PCDHGA6: variants seen among roughly 807,000 people sequenced by gnomAD.
PCDHGA6 encodes the protein protocadherin gamma subfamily A, 6, also known as protocadherin gamma-A6.
PCDHGA6 carries 41 observed loss-of-function variants against 60.6 expected under a neutral mutation model. That is an observed-to-expected ratio of 0.68 (90% CI 0.53 to 0.88). The LOEUF is 0.88. Ranked by LOEUF, PCDHGA6 falls within the 40% of genes least tolerant of loss-of-function variation. The probability of loss-of-function intolerance (pLI) is 0.00; values close to 1 mark genes in which losing one functional copy is unlikely to be tolerated. For missense variants in PCDHGA6, 1,312 were observed against 1,203.0 expected, an observed-to-expected ratio of 1.09 and a Z score of -1.34; for synonymous variants, 594 against 524.4, an observed-to-expected ratio of 1.13 and a Z score of -1.81.
At position 141,486,783 on chromosome 5, in the gene PCDHGA6, C is replaced by A. The variant is rs905423670; in HGVS notation, c.2425-8024C>A. ...CAGACACTGCAGTTTGAGGTGCAGG[C>A]CCGGGATCGGGGCAACCCACCCCTT... On this transcript the variant is annotated intron_variant, in intron 1 of 3. Transcript: ENST00000517434. The surrounding 1 kb of genome is among the most constrained non-coding windows in gnomAD (Gnocchi z 5.0). 6.2e-7 allele frequency: 1 copy of A among 1,614,102 alleles called. No homozygotes were observed.
At chr5:141,386,334 G>A (rs1220929803) in intron 1 of PCDHGA6, among the ~76,000 whole-genome samples, 1 of 152,008 alleles carries the variant, frequency 6.6e-6, no homozygotes, top group Non-Finnish European at 1.5e-5. Context: ...ATCCAGAAGG[G>A]GTGGATGACA....
intron 1 of PCDHGA6, among the ~76,000 whole-genome samples, chr5:141,446,411 G>A (rs778985047): frequency 1.3e-5 from 2 of 152,086 alleles, no homozygotes; most frequent in Non-Finnish European, 2.9e-5. Flanking sequence ...TTGAGTTCCA[G>A]CCATGTTCAT....
At chr5:141,376,590 G>C (rs569935512) in intron 1 of PCDHGA6, 83 bp downstream of exon 1, 2 of 1,570,070 alleles carry the variant, frequency 1.3e-6, no homozygotes, top group Admixed American at 1.8e-5. Flanking sequence ...CAGCTAGATC[G>C]GCTGTTATAG....
intron 1 of PCDHGA6, chr5:141,388,735 C>A: frequency 6.2e-7 from 1 of 1,613,974 alleles, no homozygotes; most frequent in East Asian, 2.2e-5. Context: ...TTCAGTGAAG[C>A]TAGCCAGATC....
In PCDHGA6 at chr5:141,461,525, A is replaced by T. The variant is rs966592635; in HGVS notation, c.2425-33282A>T. ...TTGGTGATTTGTTAGTTCCTTGTAGATTCTGGATACTAGTCCTTTGTCAGA... is the reference window on the plus strand; with the variant it reads ...TTGGTGATTTGTTAGTTCCTTGTAGTTTCTGGATACTAGTCCTTTGTCAGA... On this transcript the variant is annotated intron_variant, in intron 1 of 3. Coordinates refer to ENST00000517434, the MANE Select transcript of PCDHGA6 (RefSeq NM_018919.3). 5.3e-5 allele frequency among the ~76,000 whole-genome samples: 8 copies of T among 152,106 alleles called. No individual in the cohort carries two copies. The South Asian group carries it at 1.7e-3, about 31-fold the overall frequency.
At position 141,477,115 on chromosome 5, in the gene PCDHGA6, A is replaced by G. The variant is rs1218111107; in HGVS notation, c.2425-17692A>G. ...AAGACAAGGGCGCCAATCCCGAAGG[A>G]GCACATTGCAAAGTGTTGGTGGAGG... On this transcript the variant is annotated intron_variant, in intron 1 of 3. Transcript: ENST00000517434. This position sits in a 1 kb window ranked among gnomAD's most constrained non-coding sequence, Gnocchi z 4.9. 1 of 1,614,230 alleles carries G rather than the reference A, an allele frequency of 6.2e-7. No homozygotes were observed. Among genetic ancestry groups the G allele is most frequent in the South Asian group, 1.1e-5 (1 of 91,090 alleles).
intron 3 of PCDHGA6, among the ~76,000 whole-genome samples, chr5:141,506,038 G>C (rs2099850248): frequency 6.6e-6 from 1 of 152,174 alleles, no homozygotes; most frequent in South Asian, 2.1e-4. Context: ...GTAGGATTCT[G>C]GTTTTCCCAT....
At chr5:141,422,782 C>CG in intron 1 of PCDHGA6, 1 of 1,614,090 alleles carries the variant, frequency 6.2e-7, no homozygotes, top group South Asian at 1.1e-5. Context: ...CTATGCCCTA[C>CG]AATCCTTCGA....
chr5:141,409,735 C>G lies in PCDHGA6; in HGVS notation c.2424+33228C>G, dbSNP rs763035733. Reference sequence around the variant, plus strand: ...CATACGTGTCAGTGAGCGCGCAGAGCGGGGTGGTGTTCGCGCAGCGCGCCT... The same window carrying G: ...CATACGTGTCAGTGAGCGCGCAGAGGGGGGTGGTGTTCGCGCAGCGCGCCT... On this transcript the variant is annotated intron_variant, in intron 1 of 3. Transcript: ENST00000517434. The G allele has an allele frequency of 3.7e-6, 6 of 1,613,006 alleles. No homozygotes were observed. The African/African-American group carries it at 8.0e-5, about 22-fold the overall frequency.
chr5:141,381,971 A>C (rs1777809819), intron 1 of PCDHGA6, among the ~76,000 whole-genome samples: 1 of 150,888 alleles, frequency 6.6e-6, no homozygotes, highest in African/African-American at 2.4e-5. Flanking sequence ...CTGGGATTAC[A>C]GGCGCGCGCC....
chr5:141,384,360 C>T (rs1321195409), intron 1 of PCDHGA6: 2 of 1,613,902 alleles, frequency 1.2e-6, no homozygotes, highest in Non-Finnish European at 1.7e-6. Flanking sequence ...ATGCCCAGAT[C>T]ACTTATTCCT....
Position 141,447,179 on chromosome 5 carries a change from G to A in PCDHGA6, c.2425-47628G>A, listed in dbSNP as rs558348683. ...GTTTAAGCGGGGTCTTGCTCTTGTC[G>A]CGCAGGCTGGAGTGCAATGGCTTGA... On this transcript the variant is annotated intron_variant, in intron 1 of 3. Transcript: ENST00000517434. 4.6e-4 allele frequency among the ~76,000 whole-genome samples: 70 copies of A among 151,826 alleles called. 1 individual carries two copies. The highest frequency in any genetic ancestry group is 3.9e-4 in the East Asian group (2 of 5,158).
chr5:141,387,840 C>T, intron 1 of PCDHGA6: 2 of 1,597,864 alleles, frequency 1.3e-6, no homozygotes, highest in Non-Finnish European at 1.7e-6. Context: ...TTATTTGTAA[C>T]CCGGCGTCTC....
At chr5:141,497,203 G>A (rs750138875) in intron 2 of PCDHGA6, among the ~76,000 whole-genome samples, 25 of 91,718 alleles carry the variant, frequency 2.7e-4, no homozygotes, top group Non-Finnish European at 4.9e-4. Flanking sequence ...AACAATGTGA[G>A]TGTAATGGGG....
intron 2 of PCDHGA6, among the ~76,000 whole-genome samples, chr5:141,500,008 C>T (rs1027220192): frequency 6.6e-6 from 1 of 151,770 alleles, no homozygotes; most frequent in African/African-American, 2.4e-5. Flanking sequence ...TTCATAAGGT[C>T]CACATTTTAT....
intron 1 of PCDHGA6, among the ~76,000 whole-genome samples, chr5:141,463,302 A>T (rs2099056422): frequency 6.6e-6 from 1 of 151,090 alleles, no homozygotes; most frequent in Non-Finnish European, 1.5e-5. Context: ...ATCTCCCCAA[A>T]CTCTAATATC....
At chr5:141,450,815 A>T (rs183350620) in intron 1 of PCDHGA6, among the ~76,000 whole-genome samples, 1,650 of 126,706 alleles carry the variant, frequency 0.013, 15 homozygotes, top group African/African-American at 0.032. Context: ...TATTTATTTA[A>T]TATTATTATT....
chr5:141,397,995 C>T, intron 1 of PCDHGA6: 1 of 1,367,706 alleles, frequency 7.3e-7, no homozygotes, highest in Non-Finnish European at 9.8e-7. Flanking sequence ...CCGCTTCCTC[C>T]TCGGAAAAAG....
chr5:141,492,719 C>A (rs1367632029), intron 1 of PCDHGA6, among the ~76,000 whole-genome samples: 1 of 152,280 alleles, frequency 6.6e-6, no homozygotes, highest in Non-Finnish European at 1.5e-5. Context: ...AGCAGGCGGA[C>A]AGGCAGAGCT....
Sources: gnomAD v4.1 joint callset for allele counts (sites outside exome capture counted in the v4.1 genomes callset) on GRCh38, gnomAD v4.1.1 for gene constraint, Gnocchi (gnomAD v3.1) non-coding constraint, MANE v1.5 for transcripts, NCBI Gene and HGNC (gene_info 2026-07-23, HGNC 2026-07-21) for gene names.